The following STUM variants were observed in gnomAD, a reference collection of about 807,000 sequenced individuals.
The protein encoded by STUM is stum, mechanosensory transduction mediator homolog, also known as protein stum homolog.
In STUM, 8 loss-of-function variants were observed where a neutral mutation model predicts 15.3. The observed-to-expected ratio is 0.52, with a 90% CI of 0.31 to 0.94. The LOEUF (loss-of-function observed/expected upper bound fraction) is 0.94. Among genes scored for constraint, STUM ranks in the 40% least tolerant of loss-of-function variants. The pLI is 0.05. For missense variants in STUM, 142 were observed against 204.9 expected, an observed-to-expected ratio of 0.69 and a Z score of 1.87; for synonymous variants, 78 against 88.7, an observed-to-expected ratio of 0.88 and a Z score of 0.68.
At chr1:226,578,433 C>T (rs956127479) in intron 1 of STUM, among the ~76,000 whole-genome samples, 1 of 141,410 alleles carries the variant, frequency 7.1e-6, no homozygotes, top group Non-Finnish European at 1.5e-5. Flanking sequence ...GACGCAATCA[C>T]AGGTCACTTG....
chr1:226,567,466 G>T lies in STUM; in HGVS notation c.202+18360G>T, dbSNP rs1271438870. ...TTTATATTCATCCTGAATGCCAGTG[G>T]TTGAGGGAAAGCAGATTTAATGAGA... is the stretch of plus-strand genomic sequence containing the variant. On this transcript the variant is annotated intron_variant, in intron 1 of 3. Coordinates refer to ENST00000366788, the MANE Select transcript of STUM (RefSeq NM_001003665.4). This position sits in a 1 kb window ranked among gnomAD's most constrained non-coding sequence, Gnocchi z 4.5. 6.6e-6 allele frequency among the ~76,000 whole-genome samples: 1 copy of T among 152,214 alleles called. No individual in the cohort carries two copies. The highest frequency in any genetic ancestry group is 1.5e-5 in the Non-Finnish European group (1 of 68,036).
At chr1:226,587,751 C>T (rs145178693) in intron 1 of STUM, among the ~76,000 whole-genome samples, 270 of 152,238 alleles carry the variant, frequency 1.8e-3, no homozygotes, top group Non-Finnish European at 2.7e-3. Context: ...CAGAAGGCCA[C>T]CTGTCCACTC....
intron 1 of STUM, among the ~76,000 whole-genome samples, chr1:226,575,727 T>C (rs1189712685): frequency 6.6e-6 from 1 of 152,268 alleles, no homozygotes; most frequent in Non-Finnish European, 1.5e-5. Context: ...GTCACCCATT[T>C]TTCAGCTCCT....
intron 1 of STUM, among the ~76,000 whole-genome samples, chr1:226,564,118 G>C (rs894017739): frequency 1.3e-5 from 2 of 152,220 alleles, no homozygotes; most frequent in African/African-American, 2.4e-5. Flanking sequence ...GGAAAGTCTT[G>C]AGTCTGGCGA....
rs1668246911 is a variant in STUM at position 226,600,481 on chromosome 1, CT to C, written c.383-184del. On this transcript the variant is annotated intron_variant, in intron 2 of 3. Transcript: ENST00000366788. The surrounding 1 kb of genome is among the most constrained non-coding windows in gnomAD (Gnocchi z 5.2). ...TGGCTGTCACCATGAGTACTGAGCA[CT>C]CCCTGCCTGGGGATGGCGTCTGAGA... 1.5e-6 allele frequency: 1 copy of C among 685,256 alleles called. No individual in the cohort carries two copies. Among genetic ancestry groups the C allele is most frequent in the Non-Finnish European group, 2.5e-6 (1 of 392,626 alleles). The allele number at this position is 685,256 out of a possible 1,614,324, so 42.4% of individuals were successfully genotyped here.
In STUM at chr1:226,604,939, T is replaced by A. The variant is rs1668332873; in HGVS notation, c.*2899T>A. The stretch of plus-strand genomic sequence containing the variant: ...GTGACACTGGGATCAGGGTGGTCAT[T>A]CCCTTGGGTCAGAGTGGGACCCTAG... On this transcript the variant is annotated 3_prime_UTR_variant, in exon 4 of 4. Coordinates refer to ENST00000366788, the MANE Select transcript of STUM (RefSeq NM_001003665.4). The surrounding 1 kb of genome is among the most constrained non-coding windows in gnomAD (Gnocchi z 4.7). 6.6e-6 allele frequency: 1 copy of A among 152,364 alleles called. No homozygotes were observed. The highest frequency in any genetic ancestry group is 1.5e-5 in the Non-Finnish European group (1 of 68,144). 9.4% of individuals were successfully genotyped at this position (152,364 alleles called of 1,614,324 possible).
chr1:226,593,293 T>A (rs1220317943), intron 1 of STUM, among the ~76,000 whole-genome samples: 1 of 152,108 alleles, frequency 6.6e-6, no homozygotes, highest in Admixed American at 6.5e-5. Flanking sequence ...CTCCGTTTCC[T>A]GCAGGTTGGG....
intron 1 of STUM, among the ~76,000 whole-genome samples, chr1:226,583,026 C>T (rs765596248): frequency 2.0e-5 from 3 of 152,200 alleles, no homozygotes; most frequent in Admixed American, 6.5e-5. Flanking sequence ...TAGATGGCTG[C>T]GGCCATCCGC....
Position 226,565,139 on chromosome 1 carries a change from T to A in STUM, c.202+16033T>A, listed in dbSNP as rs553169739. Among the ~76,000 whole-genome samples, 7 of 152,300 alleles carry A rather than the reference T, an allele frequency of 4.6e-5. No homozygotes were observed. The highest frequency in any genetic ancestry group is 1.7e-4 in the African/African-American group (7 of 41,562). On this transcript the variant is annotated intron_variant, in intron 1 of 3. Coordinates refer to ENST00000366788, the MANE Select transcript of STUM (RefSeq NM_001003665.4). This position sits in a 1 kb window ranked among gnomAD's most constrained non-coding sequence, Gnocchi z 4.4. Reference sequence around the variant, plus strand: ...GTATTGGTTTCCCATTCCCTCCAACTTCCTGTCTATGACCACGAATTCCAT... The same window carrying A: ...GTATTGGTTTCCCATTCCCTCCAACATCCTGTCTATGACCACGAATTCCAT...
intron 1 of STUM, among the ~76,000 whole-genome samples, chr1:226,559,564 G>A (rs1159092694): frequency 2.0e-5 from 3 of 152,184 alleles, no homozygotes; most frequent in African/African-American, 7.2e-5. Flanking sequence ...TGACCTGTCA[G>A]TGACCACATC....
At chr1:226,555,156 T>G (rs1257057709) in intron 1 of STUM, among the ~76,000 whole-genome samples, 1 of 152,192 alleles carries the variant, frequency 6.6e-6, no homozygotes, top group Admixed American at 6.5e-5. Flanking sequence ...CCTCTAAACT[T>G]TAGAGCTCCC....
chr1:226,594,522 C>T (rs954400623), intron 1 of STUM, among the ~76,000 whole-genome samples: 1 of 152,194 alleles, frequency 6.6e-6, no homozygotes, highest in Admixed American at 6.5e-5. Flanking sequence ...TGCAGAGGGG[C>T]GTGGCATTGG....
At chr1:226,554,478 A>G (rs529987066) in intron 1 of STUM, among the ~76,000 whole-genome samples, 1 of 152,328 alleles carries the variant, frequency 6.6e-6, no homozygotes, top group East Asian at 1.9e-4. Flanking sequence ...GAACTGAAAT[A>G]GTTGATGTGT....
chr1:226,572,177 A>T (rs1667722015), intron 1 of STUM, among the ~76,000 whole-genome samples: 1 of 152,220 alleles, frequency 6.6e-6, no homozygotes, highest in Admixed American at 6.5e-5. Context: ...AGAAACAGGC[A>T]CCATCACCTT....
rs553992656 is a variant in STUM, at chr1:226,586,645, C to G, written c.203-10157C>G. Among the ~76,000 whole-genome samples, 143 of 152,314 alleles carry G rather than the reference C, an allele frequency of 9.4e-4. 1 individual carries two copies. The highest frequency in any genetic ancestry group is 3.3e-3 in the African/African-American group (138 of 41,568). On this transcript the variant is annotated intron_variant, in intron 1 of 3. Coordinates refer to ENST00000366788, the MANE Select transcript of STUM (RefSeq NM_001003665.4). Reference sequence around the variant, plus strand: ...CACTGCCTTTGATCTCAGAGAGGCTCTCTGGCTGCTGCAGCCTTGGGCAGA... The same window carrying G: ...CACTGCCTTTGATCTCAGAGAGGCTGTCTGGCTGCTGCAGCCTTGGGCAGA...
intron 1 of STUM, among the ~76,000 whole-genome samples, chr1:226,557,991 A>G (rs1206427304): frequency 6.6e-6 from 1 of 152,254 alleles, no homozygotes; most frequent in East Asian, 1.9e-4. Flanking sequence ...GTACCTTAAC[A>G]CAATAAAGGC....
chr1:226,596,247 C>T (rs1029612401), intron 1 of STUM, among the ~76,000 whole-genome samples: 1 of 145,706 alleles, frequency 6.9e-6, no homozygotes, highest in Non-Finnish European at 1.5e-5. Flanking sequence ...AGTCTGCGCC[C>T]TCTACACTGC....
chr1:226,602,934 C>T lies in STUM; in HGVS notation c.*894C>T, dbSNP rs1195590604. The T allele has an allele frequency of 1.3e-5, 2 of 152,194 alleles. No homozygotes were observed. Among genetic ancestry groups the T allele is most frequent in the African/African-American group, 2.4e-5 (1 of 41,438 alleles). 9.4% of individuals were successfully genotyped at this position (152,194 alleles called of 1,614,324 possible). On this transcript the variant is annotated 3_prime_UTR_variant, in exon 4 of 4. Coordinates refer to ENST00000366788, the MANE Select transcript of STUM (RefSeq NM_001003665.4). ...GAGAAAGACAATGCGATCCATTTAT[C>T]GTACACTTTCTAACTTCCCGGCAGA... is the stretch of plus-strand genomic sequence containing the variant.
intron 1 of STUM, among the ~76,000 whole-genome samples, chr1:226,557,124 C>A (rs959400870): frequency 2.0e-5 from 3 of 152,210 alleles, no homozygotes; most frequent in Non-Finnish European, 2.9e-5. Context: ...TGACCACCAT[C>A]TCTCCATTTC....
Sources: gnomAD v4.1 joint callset for allele counts (sites outside exome capture counted in the v4.1 genomes callset) on GRCh38, gnomAD v4.1.1 for gene constraint, Gnocchi (gnomAD v3.1) non-coding constraint, MANE v1.5 for transcripts, NCBI Gene and HGNC (gene_info 2026-07-23, HGNC 2026-07-21) for gene names.